CACNG2: variants seen among roughly 807,000 people sequenced by gnomAD.
The protein encoded by CACNG2 is calcium voltage-gated channel auxiliary subunit gamma 2.
Under a neutral mutation model 25.9 loss-of-function variants are expected in CACNG2, and 3 were observed. The observed-to-expected ratio is 0.12, with a 90% CI of 0.05 to 0.30. The LOEUF is 0.30. Ranked by LOEUF, CACNG2 falls within the 10% of genes least tolerant of loss-of-function variation. The probability of loss-of-function intolerance (pLI) is 1.00; values close to 1 mark genes in which losing one functional copy is unlikely to be tolerated. For synonymous variants in CACNG2, 167 were observed against 173.3 expected (o/e 0.96, Z 0.29); for missense variants, 341 against 432.5 (o/e 0.79, Z 1.88).
At chr22:36,579,575 A>G (rs1267360300) in intron 2 of CACNG2, among the ~76,000 whole-genome samples, 1 of 152,018 alleles carries the variant, frequency 6.6e-6, no homozygotes, top group Non-Finnish European at 1.5e-5. Context: ...AGCTGGAGTG[A>G]TACTGGTAGC....
intron 1 of CACNG2, among the ~76,000 whole-genome samples, chr22:36,679,791 AGTT>A (rs918342726): frequency 2.6e-5 from 4 of 152,178 alleles, no homozygotes; most frequent in African/African-American, 9.7e-5. Context: ...GGTTAGAAAT[AGTT>A]GTTGTTTTGA....
Position 36,622,958 on chromosome 22 carries a change from T to TA in CACNG2, c.212-35411dup, listed in dbSNP as rs1249797363. Among the ~76,000 whole-genome samples the TA allele has an allele frequency of 6.7e-4, 93 of 138,996 alleles. 1 individual carries two copies. The highest frequency in any genetic ancestry group is 3.0e-3 in the South Asian group (13 of 4,304). The allele number at this position is 138,996 out of a possible 152,430, so 91.2% of individuals were successfully genotyped here. A position where few individuals can be genotyped will look rare whatever the true frequency, so the allele number is the denominator to read the frequency against. ...TGGGCAACAAGAGCAAAACTCCGTTTAAAAAAAAAAAGGTAAGACAAGTCC... is the reference window on the plus strand; with the variant it reads ...TGGGCAACAAGAGCAAAACTCCGTTTAAAAAAAAAAAAGGTAAGACAAGTCC... On this transcript the variant is annotated intron_variant, in intron 1 of 3. Transcript: ENST00000300105.
intron 2 of CACNG2, among the ~76,000 whole-genome samples, chr22:36,575,771 G>A (rs1438293470): frequency 6.6e-6 from 1 of 152,176 alleles, no homozygotes; most frequent in African/African-American, 2.4e-5. Flanking sequence ...TTCCCTGTGC[G>A]AGTAATGACC....
intron 1 of CACNG2, among the ~76,000 whole-genome samples, chr22:36,630,604 G>C (rs926467391): frequency 2.6e-5 from 4 of 152,118 alleles, no homozygotes; most frequent in African/African-American, 9.7e-5. Context: ...TGAGAGAGCT[G>C]AACCCAAACC....
intron 1 of CACNG2, among the ~76,000 whole-genome samples, chr22:36,634,617 G>C (rs1936327256): frequency 6.6e-6 from 1 of 152,134 alleles, no homozygotes; most frequent in Admixed American, 6.5e-5. Context: ...GTTTTTTGGA[G>C]CTCCCAGGAC....
intron 1 of CACNG2, among the ~76,000 whole-genome samples, chr22:36,679,463 C>T (rs879318462): frequency 1.3e-4 from 20 of 152,070 alleles, no homozygotes; most frequent in African/African-American, 2.9e-4. Flanking sequence ...AAAATAAATA[C>T]GTTTCAATGA....
At chr22:36,636,049 C>T (rs1445392945) in intron 1 of CACNG2, among the ~76,000 whole-genome samples, 36 of 152,148 alleles carry the variant, frequency 2.4e-4, no homozygotes, top group Non-Finnish European at 2.9e-5. Flanking sequence ...CCAGGCAGTT[C>T]GAGATCAAAT....
chr22:36,565,190 T>C (rs1018768873), intron 3 of CACNG2, among the ~76,000 whole-genome samples: 3 of 152,196 alleles, frequency 2.0e-5, no homozygotes, highest in Non-Finnish European at 4.4e-5. Context: ...CATTGAGCCT[T>C]CTCTACCTGC....
At chr22:36,628,587 A>G (rs1936220618) in intron 1 of CACNG2, among the ~76,000 whole-genome samples, 1 of 152,228 alleles carries the variant, frequency 6.6e-6, no homozygotes, top group African/African-American at 2.4e-5. Context: ...AGGGACAGGT[A>G]GGAGAAAATG....
At chr22:36,601,255 A>G (rs1274107523) in intron 1 of CACNG2, among the ~76,000 whole-genome samples, 1 of 152,156 alleles carries the variant, frequency 6.6e-6, no homozygotes, top group Non-Finnish European at 1.5e-5. Flanking sequence ...GAGTCATAAA[A>G]TAGTTTTCTT....
Position 36,564,930 on chromosome 22 carries a change from C to G in CACNG2, c.437-44G>C. On this transcript the variant is annotated intron_variant, in intron 3 of 3. Coordinates refer to ENST00000300105, the MANE Select transcript of CACNG2 (RefSeq NM_006078.5). This position sits in a 1 kb window ranked among gnomAD's most constrained non-coding sequence, Gnocchi z 6.7. ...CGGGGTGGGGGATCAGAGAGAAGGA[C>G]GTTAGTTTCTCAGGAAGTCGGCCAC... The G allele has an allele frequency of 6.3e-7, 1 of 1,576,394 alleles. No individual in the cohort carries two copies. The highest frequency in any genetic ancestry group is 8.6e-7 in the Non-Finnish European group (1 of 1,156,754).
Position 36,562,197 on chromosome 22 carries a change from G to GGTGTGT in CACNG2, c.*2148_*2153dup, listed in dbSNP as rs142179335. 29 of 151,286 alleles carry GGTGTGT rather than the reference G, an allele frequency of 1.9e-4. No individual in the cohort carries two copies. Among genetic ancestry groups the GGTGTGT allele is most frequent in the African/African-American group, 6.8e-4 (28 of 41,094 alleles). 9.4% of individuals were successfully genotyped at this position (151,286 alleles called of 1,614,324 possible). A position where few individuals can be genotyped will look rare whatever the true frequency, so the allele number is the denominator to read the frequency against. ...CGGGGAGCACAGTGAGGAGGTATATGGTGTGTGTGTGTGTGTGTGTCTGAG... is the reference window on the plus strand; with the variant it reads ...CGGGGAGCACAGTGAGGAGGTATATGGTGTGTGTGTGTGTGTGTGTGTGTGTCTGAG... On this transcript the variant is annotated 3_prime_UTR_variant, in exon 4 of 4. Transcript: ENST00000300105.
At chr22:36,648,457 T>C (rs1454747261) in intron 1 of CACNG2, among the ~76,000 whole-genome samples, 1 of 152,178 alleles carries the variant, frequency 6.6e-6, no homozygotes, top group Non-Finnish European at 1.5e-5. Context: ...CTGCCGGCAT[T>C]TCTAGCTTGT....
chr22:36,633,581 G>A (rs1383931463), intron 1 of CACNG2, among the ~76,000 whole-genome samples: 1 of 152,228 alleles, frequency 6.6e-6, no homozygotes, highest in Non-Finnish European at 1.5e-5. Flanking sequence ...GTCATTCTGA[G>A]CGATATGGTT....
At chr22:36,633,943 A>G (rs560554924) in intron 1 of CACNG2, among the ~76,000 whole-genome samples, 2 of 152,374 alleles carry the variant, frequency 1.3e-5, no homozygotes, top group South Asian at 2.1e-4. Flanking sequence ...AATTGCCAAG[A>G]TGATTCAAAT....
At chr22:36,607,095 T>G (rs1350669594) in intron 1 of CACNG2, among the ~76,000 whole-genome samples, 1 of 151,986 alleles carries the variant, frequency 6.6e-6, no homozygotes, top group Non-Finnish European at 1.5e-5. Flanking sequence ...ACCAGATCTG[T>G]TTGCCCTGGT....
Position 36,564,959 on chromosome 22 carries a change from G to T in CACNG2, c.437-73C>A. On this transcript the variant is annotated intron_variant, in intron 3 of 3. Coordinates refer to ENST00000300105, the MANE Select transcript of CACNG2 (RefSeq NM_006078.5). The surrounding 1 kb of genome is among the most constrained non-coding windows in gnomAD (Gnocchi z 6.7). ...AGTTTCTCAGGAAGTCGGCCACAGG[G>T]CAGCCGTAAAGGACGGGGACAGCTG... The T allele has an allele frequency of 7.0e-7, 1 of 1,423,860 alleles. No homozygotes were observed. The allele number at this position is 1,423,860 out of a possible 1,614,324, so 88.2% of individuals were successfully genotyped here.
intron 1 of CACNG2, among the ~76,000 whole-genome samples, chr22:36,668,587 C>T (rs2284003): frequency 0.23 from 34,609 of 151,728 alleles, 4,279 homozygotes; most frequent in Middle Eastern, 0.31. Flanking sequence ...CCCTGGGGCT[C>T]AAGCAATCCT....
chr22:36,612,129 A>G (rs757551578), intron 1 of CACNG2, among the ~76,000 whole-genome samples: 1 of 152,216 alleles, frequency 6.6e-6, no homozygotes, highest in Non-Finnish European at 1.5e-5. Flanking sequence ...GCATAAGAGT[A>G]TAATATCTGG....
Sources: gnomAD v4.1 joint callset for allele counts (sites outside exome capture counted in the v4.1 genomes callset) on GRCh38, gnomAD v4.1.1 for gene constraint, Gnocchi (gnomAD v3.1) non-coding constraint, MANE v1.5 for transcripts, NCBI Gene and HGNC (gene_info 2026-07-23, HGNC 2026-07-21) for gene names.